Variants in PCDHGB3 observed in about 807,000 individuals in gnomAD.
PCDHGB3 encodes protocadherin gamma subfamily B, 3, also known as protocadherin gamma-B3.
A neutral mutation model predicts 59.2 loss-of-function variants in PCDHGB3; 40 were observed. The ratio of observed to expected loss-of-function variants is 0.68; its 90% CI spans 0.52 to 0.88. The LOEUF is 0.88. PCDHGB3 is among the 40% of genes least tolerant of loss of function. The pLI is 0.00. For synonymous variants in PCDHGB3, 581 were observed against 503.6 expected (o/e 1.15, Z -2.06); for missense variants, 1,309 against 1,187.9 (o/e 1.10, Z -1.50).
chr5:141,477,312 T>G lies in PCDHGB3; in HGVS notation c.2416-17495T>G. On this transcript the variant is annotated intron_variant, in intron 1 of 3. Coordinates refer to ENST00000576222, the MANE Select transcript of PCDHGB3 (RefSeq NM_018924.5). This position sits in a 1 kb window ranked among gnomAD's most constrained non-coding sequence, Gnocchi z 4.9. ...GTTCCACCGGGTCTCCCTTTCAGCC[T>G]TACTTCTTCCCTCAAGAATTACTTC... The G allele has an allele frequency of 1.2e-6, 2 of 1,614,162 alleles. No individual in the cohort carries two copies. The highest frequency in any genetic ancestry group is 1.7e-6 in the Non-Finnish European group (2 of 1,180,032).
chr5:141,371,660 C>A lies in PCDHGB3; in HGVS notation c.1266C>A (p.Ile422=). Residue 422 remains isoleucine, a synonymous_variant, in exon 1 of 4, where the codon ATC becomes ATA. Transcript: ENST00000576222. ...REQIPEYNVT[I]TATDKGNPPL... ...AGATCCCAGAATACAATGTGACGAT[C>A]ACAGCTACCGACAAAGGCAATCCAC... The A allele has an allele frequency of 6.2e-7, 1 of 1,614,032 alleles. No homozygotes were observed.
At position 141,378,204 on chromosome 5, in the gene PCDHGB3, T is replaced by C. The variant is rs1335712124; in HGVS notation, c.2415+5395T>C. On this transcript the variant is annotated intron_variant, in intron 1 of 3. Coordinates refer to ENST00000576222, the MANE Select transcript of PCDHGB3 (RefSeq NM_018924.5). ...TGCTGTGTGCCTACTACAGTGTCTT[T>C]TGCATACTGTGTGCCTGATAGTATT... The C allele has an allele frequency of 1.4e-4, 22 of 152,240 alleles. 1 individual carries two copies. Among genetic ancestry groups the C allele is most frequent in the Admixed American group, 1.4e-3 (22 of 15,288 alleles). The allele number at this position is 152,240 out of a possible 1,614,324, so 9.4% of individuals were successfully genotyped here.
intron 1 of PCDHGB3, chr5:141,413,863 G>A (rs1367797365): frequency 1.9e-6 from 3 of 1,613,356 alleles, no homozygotes; most frequent in Admixed American, 1.7e-5. Flanking sequence ...ATCTGGCACT[G>A]TCCTTGTCAG....
intron 2 of PCDHGB3, among the ~76,000 whole-genome samples, 177 bp from the exon 3 acceptor site, chr5:141,505,216 T>C (rs547855353): frequency 1.1e-4 from 17 of 152,234 alleles, no homozygotes; most frequent in Non-Finnish European, 2.9e-5. Context: ...AGGGACTGAC[T>C]TGTGGGATTC....
intron 1 of PCDHGB3, among the ~76,000 whole-genome samples, chr5:141,386,304 C>T (rs1239396408): frequency 6.6e-6 from 1 of 152,104 alleles, no homozygotes; most frequent in African/African-American, 2.4e-5. Flanking sequence ...TAGTAAAGCT[C>T]AGTATATCAA....
Position 141,403,914 on chromosome 5 carries a change from C to A in PCDHGB3, c.2415+31105C>A, listed in dbSNP as rs748975395. The A allele has an allele frequency of 1.3e-5, 21 of 1,613,662 alleles. No homozygotes were observed. Among genetic ancestry groups the A allele is most frequent in the South Asian group, 2.2e-5 (2 of 91,064 alleles). On this transcript the variant is annotated intron_variant, in intron 1 of 3. Coordinates refer to ENST00000576222, the MANE Select transcript of PCDHGB3 (RefSeq NM_018924.5). ...TCATTTTATGAAATGGAAATACAAG[C>A]TGAAGATGGTGGGGGATTGAAAGGG...
intron 1 of PCDHGB3, chr5:141,417,121 G>C (rs2096086482): frequency 6.6e-6 from 1 of 152,110 alleles, no homozygotes; most frequent in Non-Finnish European, 1.5e-5. Context: ...GGACACCCTG[G>C]ATGATGGTAA....
intron 3 of PCDHGB3, among the ~76,000 whole-genome samples, chr5:141,509,265 C>G (rs1296179995): frequency 1.3e-5 from 2 of 152,138 alleles, no homozygotes; most frequent in African/African-American, 4.8e-5. Flanking sequence ...TTTAGTCACT[C>G]TCGCTACCCG....
intron 1 of PCDHGB3, among the ~76,000 whole-genome samples, chr5:141,468,186 A>G (rs2099159540): frequency 6.6e-6 from 1 of 151,848 alleles, no homozygotes; most frequent in African/African-American, 2.4e-5. Context: ...TTTGCTGGGC[A>G]TGGTGGCGGG....
At chr5:141,461,821 T>A (rs569091880) in intron 1 of PCDHGB3, among the ~76,000 whole-genome samples, 1 of 151,286 alleles carries the variant, frequency 6.6e-6, no homozygotes, top group South Asian at 2.1e-4. Context: ...ACCCAGCTAA[T>A]TTTTTTTTCT....
At chr5:141,387,732 C>A (rs940812767) in intron 1 of PCDHGB3, 15 of 1,279,330 alleles carry the variant, frequency 1.2e-5, no homozygotes, top group South Asian at 1.6e-5. Context: ...CAGCGCCAGC[C>A]TTTACACCGC....
intron 2 of PCDHGB3, among the ~76,000 whole-genome samples, chr5:141,502,989 G>A (rs140974023): frequency 0.024 from 3,652 of 150,590 alleles, 56 homozygotes; most frequent in East Asian, 0.043. Context: ...GATTACAGGC[G>A]TGTGCCACCA....
chr5:141,426,086 G>A (rs751467304), intron 1 of PCDHGB3, among the ~76,000 whole-genome samples: 5 of 152,218 alleles, frequency 3.3e-5, no homozygotes, highest in Non-Finnish European at 7.3e-5. Context: ...CTACCAGGAC[G>A]ATATTCTGTT....
At position 141,490,712 on chromosome 5, in the gene PCDHGB3, A is replaced by T; in HGVS notation, c.2416-4095A>T. The stretch of plus-strand genomic sequence containing the variant: ...ACTGGGGATAATGCCCGCCTCACCT[A>T]CTCCATTGTAGGAAATCAGGTTCAG... On this transcript the variant is annotated intron_variant, in intron 1 of 3. Transcript: ENST00000576222. The surrounding 1 kb of genome is among the most constrained non-coding windows in gnomAD (Gnocchi z 5.4). The T allele has an allele frequency of 6.2e-7, 1 of 1,613,686 alleles. No homozygotes were observed. The highest frequency in any genetic ancestry group is 8.5e-7 in the Non-Finnish European group (1 of 1,179,894).
At chr5:141,427,923 C>T (rs2097089935) in intron 1 of PCDHGB3, 3 of 1,580,656 alleles carry the variant, frequency 1.9e-6, no homozygotes, top group African/African-American at 1.3e-5. Context: ...CATGAGCCGG[C>T]GCATGTTGGT....
At chr5:141,382,392 C>T (rs1778169191) in intron 1 of PCDHGB3, among the ~76,000 whole-genome samples, 1 of 152,092 alleles carries the variant, frequency 6.6e-6, no homozygotes, top group Non-Finnish European at 1.5e-5. Context: ...AACTGATTTT[C>T]CCATGTGCAA....
At chr5:141,405,407 C>A (rs1252757330) in intron 1 of PCDHGB3, 3 of 1,582,052 alleles carry the variant, frequency 1.9e-6, no homozygotes, top group Non-Finnish European at 2.6e-6. Flanking sequence ...TCTTTCTTTT[C>A]TTTTTTTGTT....
rs1468315559 is a variant in PCDHGB3 at position 141,493,636 on chromosome 5, G to A, written c.2416-1171G>A. 1.3e-5 allele frequency among the ~76,000 whole-genome samples: 2 copies of A among 152,130 alleles called. No individual in the cohort carries two copies. Among genetic ancestry groups the A allele is most frequent in the Non-Finnish European group, 2.9e-5 (2 of 68,040 alleles). The stretch of plus-strand genomic sequence containing the variant: ...TGTGTCTAAGAATACAGTGGCTGAG[G>A]GCTGGCCATCCCTGTGCCCTTCTCC... On this transcript the variant is annotated intron_variant, in intron 1 of 3. Transcript: ENST00000576222. The surrounding 1 kb of genome is among the most constrained non-coding windows in gnomAD (Gnocchi z 4.3).
rs747671382 is a variant in PCDHGB3 at position 141,444,152 on chromosome 5, A to ATTTTTT, written c.2416-50624_2416-50619dup. ...GATATGTGTCACTTGTGTGTACTGG[A>ATTTTTT]TTTTTTTTTTTTTTTTTTTTTTTTT... On this transcript the variant is annotated intron_variant, in intron 1 of 3. Coordinates refer to ENST00000576222, the MANE Select transcript of PCDHGB3 (RefSeq NM_018924.5). Among the ~76,000 whole-genome samples the ATTTTTT allele has an allele frequency of 3.5e-4, 12 of 33,898 alleles. 1 individual carries two copies. Among genetic ancestry groups the ATTTTTT allele is most frequent in the African/African-American group, 4.2e-4 (3 of 7,184 alleles). The allele number at this position is 33,898 out of a possible 152,430, so 22.2% of individuals were successfully genotyped here.
Sources: gnomAD v4.1 joint callset for allele counts (sites outside exome capture counted in the v4.1 genomes callset) on GRCh38, gnomAD v4.1.1 for gene constraint, Gnocchi (gnomAD v3.1) non-coding constraint, MANE v1.5 for transcripts, NCBI Gene and HGNC (gene_info 2026-07-23, HGNC 2026-07-21) for gene names.